The following SLC12A9 variants were observed in gnomAD, a reference collection of about 807,000 sequenced individuals.
The protein encoded by SLC12A9 is CCC-interacting protein 1.
A neutral mutation model predicts 66.0 loss-of-function variants in SLC12A9; 55 were observed. That is an observed-to-expected ratio of 0.83 (90% CI 0.67 to 1.04). The LOEUF is 1.04. Ranked by LOEUF, SLC12A9 falls within the 50% of genes least tolerant of loss-of-function variation. The pLI, the probability that SLC12A9 is intolerant of heterozygous loss-of-function variation, is 0.00. For missense variants in SLC12A9, 1,061 were observed against 1,241.9 expected, an observed-to-expected ratio of 0.85 and a Z score of 2.19; for synonymous variants, 577 against 569.0, an observed-to-expected ratio of 1.01 and a Z score of -0.20.
chr7:100,866,597 G>T lies in SLC12A9; in HGVS notation c.2737G>T (p.Asp913Tyr). 1 of 1,570,952 alleles carries T rather than the reference G, an allele frequency of 6.4e-7. No individual in the cohort carries two copies. Among genetic ancestry groups the T allele is most frequent in the Non-Finnish European group, 8.6e-7 (1 of 1,158,158 alleles). ...VHGVTPVTCT[D>Y]L is the part of the protein sequence containing the mutation. Reference sequence around the variant, plus strand: ...TGGGGTCACTCCAGTCACCTGCACTGATCTGTGATGCCCCTGCCTCCAGGG... The same window carrying T: ...TGGGGTCACTCCAGTCACCTGCACTTATCTGTGATGCCCCTGCCTCCAGGG... The change falls in exon 14 of 14, where the codon GAT (aspartate) becomes TAT (tyrosine). Residue 913 changes from aspartate to tyrosine, a missense_variant. By Grantham distance (160) the Asp-to-Tyr change is radical. Coordinates refer to ENST00000354161, the MANE Select transcript of SLC12A9 (RefSeq NM_020246.4). The surrounding 1 kb of genome is among the most constrained non-coding windows in gnomAD (Gnocchi z 7.3).
chr7:100,862,573 C>T (rs530679687), intron 12 of SLC12A9, 108 bp from the exon 13 acceptor site: 3 of 1,313,674 alleles, frequency 2.3e-6, no homozygotes, highest in African/African-American at 1.5e-5. Flanking sequence ...TTTCCCATGA[C>T]CCCTCCAAGT....
At chr7:100,863,582 G>A (rs1814895044) in intron 13 of SLC12A9, among the ~76,000 whole-genome samples, 1 of 152,198 alleles carries the variant, frequency 6.6e-6, no homozygotes, top group African/African-American at 2.4e-5. Context: ...CTTTGAAAGA[G>A]GTTGGGATGT....
At chr7:100,830,059 A>G (rs1320181752) in intron 1 of SLC12A9, among the ~76,000 whole-genome samples, 1 of 146,568 alleles carries the variant, frequency 6.8e-6, no homozygotes, top group Admixed American at 6.9e-5. Context: ...AAATAAGTAA[A>G]TAAATAAATA....
At chr7:100,842,742 C>A (rs1162952049) in intron 1 of SLC12A9, among the ~76,000 whole-genome samples, 4 of 152,224 alleles carry the variant, frequency 2.6e-5, no homozygotes, top group Non-Finnish European at 5.9e-5. Context: ...TAAACAAAAG[C>A]AATTGTTATG....
chr7:100,859,712 T>TAA, intron 7 of SLC12A9, 173 bp from the exon 8 acceptor site: 1 of 788,626 alleles, frequency 1.3e-6, no homozygotes, highest in Non-Finnish European at 1.9e-6. Flanking sequence ...CCTTGTCTCT[T>TAA]AAAAAAAAGG....
chr7:100,844,277 T>A (rs1000084301), intron 1 of SLC12A9, among the ~76,000 whole-genome samples: 5 of 152,216 alleles, frequency 3.3e-5, no homozygotes, highest in Admixed American at 6.5e-5. Context: ...GTACAAGGTA[T>A]GTAGCCCAGG....
chr7:100,860,034 A>G lies in SLC12A9; in HGVS notation c.1127A>G (p.Asp376Gly), dbSNP rs1397760280. 1 of 1,613,682 alleles carries G rather than the reference A, an allele frequency of 6.2e-7. No individual in the cohort carries two copies. The highest frequency in any genetic ancestry group is 8.5e-7 in the Non-Finnish European group (1 of 1,179,862). Residue 376 changes from aspartate (D) to glycine (G), a missense_variant, in exon 8 of 14, where the codon GAC (aspartate) becomes GGC (glycine). Transcript: ENST00000354161. ...SRILHALARD[D>G]LFGVILAPAK... The stretch of plus-strand genomic sequence containing the variant: ...ATCCTCCATGCCCTGGCCCGGGATG[A>G]CCTCTTTGGTGGGTTCTCTGCCTCC...
At chr7:100,853,221 A>T (rs1243881450) in intron 1 of SLC12A9, 1 of 151,978 alleles carries the variant, frequency 6.6e-6, no homozygotes, top group Non-Finnish European at 1.5e-5. Context: ...GCAGCTCAGG[A>T]CACCGAAGGA....
At chr7:100,827,533 G>A (rs1335180209) in intron 1 of SLC12A9, 3 of 152,074 alleles carry the variant, frequency 2.0e-5, no homozygotes, top group Non-Finnish European at 4.4e-5. Flanking sequence ...TGGGCCGGGC[G>A]GCGCCGGGCC....
upstream of SLC12A9, among the ~76,000 whole-genome samples, chr7:100,851,000 G>C (rs553126737): frequency 6.6e-6 from 1 of 152,060 alleles, no homozygotes; most frequent in African/African-American, 2.4e-5. Context: ...TTACAGGCGT[G>C]AGCCACCGTG....
intron 1 of SLC12A9, 29 bp from the exon 2 acceptor site, chr7:100,854,127 C>T (rs1474192948): frequency 5.2e-5 from 73 of 1,414,192 alleles, no homozygotes; most frequent in Non-Finnish European, 6.5e-5. Context: ...TGTGGGGGAG[C>T]TTTTGATGCA....
chr7:100,840,422 A>G (rs1461532249), intron 1 of SLC12A9, among the ~76,000 whole-genome samples: 1 of 152,200 alleles, frequency 6.6e-6, no homozygotes, highest in Admixed American at 6.5e-5. Context: ...TTTCAAAGGT[A>G]TGGCACAAAG....
chr7:100,832,309 G>C (rs564500591), intron 1 of SLC12A9, among the ~76,000 whole-genome samples: 3 of 152,074 alleles, frequency 2.0e-5, no homozygotes, highest in Admixed American at 2.0e-4. Flanking sequence ...GTTTGAGACC[G>C]GCCTGGGCAA....
chr7:100,861,107 A>T lies in SLC12A9; in HGVS notation c.1219-31A>T. ...TTTTGGGGGTGCACTGGCACTTTGGAACAACGGCACGCCTCTTGGCCCTTG... is the reference window on the plus strand; with the variant it reads ...TTTTGGGGGTGCACTGGCACTTTGGTACAACGGCACGCCTCTTGGCCCTTG... On this transcript the variant is annotated intron_variant, in intron 9 of 13. Coordinates refer to ENST00000354161, the MANE Select transcript of SLC12A9 (RefSeq NM_020246.4). This position sits in a 1 kb window ranked among gnomAD's most constrained non-coding sequence, Gnocchi z 5.3. The T allele has an allele frequency of 6.2e-7, 1 of 1,614,006 alleles. No homozygotes were observed. Among genetic ancestry groups the T allele is most frequent in the Non-Finnish European group, 8.5e-7 (1 of 1,179,970 alleles).
At chr7:100,845,105 T>C (rs975655064) in intron 1 of SLC12A9, among the ~76,000 whole-genome samples, 1 of 151,774 alleles carries the variant, frequency 6.6e-6, no homozygotes, top group African/African-American at 2.4e-5. Flanking sequence ...TGGACAATAC[T>C]GTATAGCAAA....
Position 100,858,709 on chromosome 7 carries a change from G to A in SLC12A9, c.758-126G>A. The A allele has an allele frequency of 3.7e-6, 3 of 815,660 alleles. No homozygotes were observed. The East Asian group carries it at 8.0e-5, about 22-fold the overall frequency. 50.5% of individuals were successfully genotyped at this position (815,660 alleles called of 1,614,324 possible). ...CCAGGGCCAGTGCAGGAACAGGCTG[G>A]GGTCTTAGTGAGGGCAGTGCAGGGG... is the stretch of plus-strand genomic sequence containing the variant. On this transcript the variant is annotated intron_variant, in intron 5 of 13. Coordinates refer to ENST00000354161, the MANE Select transcript of SLC12A9 (RefSeq NM_020246.4).
chr7:100,864,581 G>C (rs537297346), intron 13 of SLC12A9, among the ~76,000 whole-genome samples: 122 of 152,108 alleles, frequency 8.0e-4, no homozygotes, highest in African/African-American at 2.9e-3. Context: ...AATTAAGAAC[G>C]AAGAGCTTGT....
intron 1 of SLC12A9, among the ~76,000 whole-genome samples, chr7:100,841,973 G>T (rs1813800236): frequency 6.6e-6 from 1 of 151,930 alleles, no homozygotes; most frequent in Non-Finnish European, 1.5e-5. Flanking sequence ...AAGTCTTTTA[G>T]CACATGTACC....
At chr7:100,840,627 G>A (rs1479337582) in intron 1 of SLC12A9, among the ~76,000 whole-genome samples, 4 of 151,966 alleles carry the variant, frequency 2.6e-5, no homozygotes, top group African/African-American at 9.7e-5. Flanking sequence ...AAGACAGACA[G>A]AGAGGGAGTC....
Sources: gnomAD v4.1 joint callset for allele counts (sites outside exome capture counted in the v4.1 genomes callset) on GRCh38, gnomAD v4.1.1 for gene constraint, Gnocchi (gnomAD v3.1) non-coding constraint, MANE v1.5 for transcripts, NCBI Gene and HGNC (gene_info 2026-07-23, HGNC 2026-07-21) for gene names.